TTLL9: variants seen among roughly 807,000 people sequenced by gnomAD.
TTLL9 encodes the protein probable tubulin polyglutamylase TTLL9.
Under a neutral mutation model 65.6 loss-of-function variants are expected in TTLL9, and 47 were observed. The observed-to-expected ratio is 0.72, with a 90% CI of 0.57 to 0.91. The LOEUF is 0.91. TTLL9 is among the 40% of genes least tolerant of loss of function. The pLI, the probability that TTLL9 is intolerant of heterozygous loss-of-function variation, is 0.00. For missense variants in TTLL9, 537 were observed against 568.8 expected, an observed-to-expected ratio of 0.94 and a Z score of 0.57; for synonymous variants, 179 against 204.8, an observed-to-expected ratio of 0.87 and a Z score of 1.07.
intron 2 of TTLL9, among the ~76,000 whole-genome samples, chr20:31,882,306 C>A (rs946534017): frequency 3.3e-5 from 5 of 152,122 alleles, no homozygotes; most frequent in South Asian, 2.1e-4. Context: ...ATTAGTGGAA[C>A]CAGCTAAGCA....
In TTLL9 at chr20:31,873,724, AAG is replaced by A. The variant is rs1369711464; in HGVS notation, c.69+2531_69+2532del. On this transcript the variant is annotated intron_variant, in intron 2 of 14. Coordinates refer to ENST00000535842, the MANE Select transcript of TTLL9 (RefSeq NM_001008409.5). ...AAAGAAAGAAAGAAAGAAAGAAAGA[AAG>A]AAAGAAAGAAAAAGGAAGGAAGGAA... is the stretch of plus-strand genomic sequence containing the variant. Among the ~76,000 whole-genome samples the A allele has an allele frequency of 4.3e-3, 601 of 140,876 alleles. 4 individuals carry two copies. Among genetic ancestry groups the A allele is most frequent in the Non-Finnish European group, 7.2e-3 (471 of 65,470 alleles). 92.4% of individuals were successfully genotyped at this position (140,876 alleles called of 152,430 possible). A position where few individuals can be genotyped will look rare whatever the true frequency, so the allele number is the denominator to read the frequency against.
intron 11 of TTLL9, chr20:31,934,461 G>A (rs1390983742): frequency 1.5e-6 from 1 of 671,118 alleles, no homozygotes; most frequent in Non-Finnish European, 2.7e-6. Flanking sequence ...GCCTACGCAG[G>A]CCATGTGGGC....
At chr20:31,891,103 GGTAC>G (rs1386844797) in intron 3 of TTLL9, among the ~76,000 whole-genome samples, 1 of 152,124 alleles carries the variant, frequency 6.6e-6, no homozygotes, top group Non-Finnish European at 1.5e-5. Context: ...CTGAGTTTAG[GGTAC>G]GTGCATATTC....
In TTLL9 at chr20:31,929,898, C is replaced by T. The variant is rs62206329; in HGVS notation, c.748+3807C>T. Among the ~76,000 whole-genome samples the T allele has an allele frequency of 5.2e-3, 793 of 152,140 alleles. 1 individual carries two copies. The highest frequency in any genetic ancestry group is 0.015 in the African/African-American group (625 of 41,506). ...AATCCTAGCACTTTGGGAGCTGAGG[C>T]GGTCAGATCACTTGAGGTCAGGAGC... On this transcript the variant is annotated intron_variant, in intron 10 of 14. Coordinates refer to ENST00000535842, the MANE Select transcript of TTLL9 (RefSeq NM_001008409.5).
chr20:31,898,730 T>C (rs758158669), intron 4 of TTLL9, among the ~76,000 whole-genome samples, 165 bp downstream of exon 4: 1 of 152,256 alleles, frequency 6.6e-6, no homozygotes, highest in Non-Finnish European at 1.5e-5. Context: ...ATCACTATCA[T>C]CTCTGTCTTA....
intron 9 of TTLL9, among the ~76,000 whole-genome samples, chr20:31,925,451 A>G (rs2063885076): frequency 6.6e-6 from 1 of 152,142 alleles, no homozygotes; most frequent in Non-Finnish European, 1.5e-5. Flanking sequence ...TACCTTGCCC[A>G]AGGTCACACA....
At chr20:31,872,996 C>A (rs764296546) in intron 2 of TTLL9, 1 of 518,332 alleles carries the variant, frequency 1.9e-6, no homozygotes, top group South Asian at 1.4e-5. Flanking sequence ...AATACTTCGA[C>A]CCCTCACTGA....
chr20:31,898,377 A>C, intron 3 of TTLL9, 96 bp from the exon 4 acceptor site: 1 of 992,918 alleles, frequency 1.0e-6, no homozygotes, highest in South Asian at 1.4e-5. Context: ...CTTTCCAGGT[A>C]TGGAACTTGA....
chr20:31,873,929 C>CATGG (rs2063003011), intron 2 of TTLL9, among the ~76,000 whole-genome samples: 1 of 152,170 alleles, frequency 6.6e-6, no homozygotes, highest in Admixed American at 6.5e-5. Flanking sequence ...AGCTCCTTAC[C>CATGG]ATGGCCCTGG....
At position 31,908,585 on chromosome 20, in the gene TTLL9, C is replaced by A; in HGVS notation, c.207-6C>A. 6.2e-7 allele frequency: 1 copy of A among 1,606,754 alleles called. No individual in the cohort carries two copies. The highest frequency in any genetic ancestry group is 1.1e-5 in the South Asian group (1 of 90,964). ...ACCTTTATCCCCGCCCCCACCCCAC[C>A]CCCAGCGAAGGGGAGTGGGATTTCT... On this transcript the variant is annotated splice_region_variant and splice_polypyrimidine_tract_variant and intron_variant, in intron 4 of 14. Transcript: ENST00000535842.
At chr20:31,901,742 C>T (rs966875076) in intron 4 of TTLL9, among the ~76,000 whole-genome samples, 49 of 152,252 alleles carry the variant, frequency 3.2e-4, no homozygotes, top group Non-Finnish European at 2.9e-5. Context: ...ACCTCCTTAT[C>T]CTTCAGATCT....
At chr20:31,925,945 A>G (rs1355102979) in intron 9 of TTLL9, 104 bp from the exon 10 acceptor site, 6 of 1,566,444 alleles carry the variant, frequency 3.8e-6, no homozygotes, top group Non-Finnish European at 5.2e-6. Flanking sequence ...CACACTGAAC[A>G]GCATTGATGA....
intron 3 of TTLL9, among the ~76,000 whole-genome samples, chr20:31,887,572 G>C (rs556856028): frequency 6.6e-6 from 1 of 152,290 alleles, no homozygotes; most frequent in African/African-American, 2.4e-5. Flanking sequence ...TTGGACTCCA[G>C]GGCCCACTGT....
At chr20:31,889,097 G>A (rs191666025) in intron 3 of TTLL9, among the ~76,000 whole-genome samples, 412 of 151,914 alleles carry the variant, frequency 2.7e-3, no homozygotes, top group Admixed American at 5.2e-3. Context: ...TTTTATTTAT[G>A]TGCCTTATTG....
intron 4 of TTLL9, among the ~76,000 whole-genome samples, chr20:31,902,727 G>C (rs182773737): frequency 6.6e-6 from 1 of 152,238 alleles, no homozygotes; most frequent in African/African-American, 2.4e-5. Flanking sequence ...TGGGTGATAT[G>C]ATAACTCTAT....
intron 12 of TTLL9, among the ~76,000 whole-genome samples, chr20:31,936,472 TAA>T (rs879370062): frequency 7.0e-6 from 1 of 143,290 alleles, no homozygotes. Context: ...TCTGACTCTT[TAA>T]AAAAAAAAAA....
intron 4 of TTLL9, among the ~76,000 whole-genome samples, chr20:31,903,523 G>T (rs2063507271): frequency 6.6e-6 from 1 of 151,806 alleles, no homozygotes; most frequent in African/African-American, 2.4e-5. Flanking sequence ...TAGTGCTTTT[G>T]GTATCATATC....
chr20:31,931,254 A>AT (rs1463659973), intron 10 of TTLL9, among the ~76,000 whole-genome samples: 1 of 150,992 alleles, frequency 6.6e-6, no homozygotes. Flanking sequence ...TAATTTTTAA[A>AT]TTTTTTATAG....
intron 7 of TTLL9, among the ~76,000 whole-genome samples, chr20:31,921,584 C>T (rs904406865): frequency 6.6e-6 from 1 of 152,098 alleles, no homozygotes; most frequent in Non-Finnish European, 1.5e-5. Flanking sequence ...AAATGTCCAA[C>T]AATAATAGAC....
Sources: gnomAD v4.1 joint callset for allele counts (sites outside exome capture counted in the v4.1 genomes callset) on GRCh38, gnomAD v4.1.1 for gene constraint, MANE v1.5 for transcripts, NCBI Gene and HGNC (gene_info 2026-07-23, HGNC 2026-07-21) for gene names.